The following NSD1 variants were observed in gnomAD, a reference collection of about 807,000 sequenced individuals.
NSD1 encodes the protein histone-lysine N-methyltransferase, H3 lysine-36 specific.
In NSD1, 26 loss-of-function variants were observed where a neutral mutation model predicts 242.7. The observed-to-expected ratio is 0.11, with a 90% confidence interval of 0.08 to 0.15. NSD1 has a LOEUF of 0.15. NSD1 is among the 10% of genes least tolerant of loss of function. NSD1 has a pLI of 1.00. For synonymous variants in NSD1, 1,106 were observed against 1,178.1 expected (o/e 0.94, Z 1.25); for missense variants, 2,495 against 3,272.8 (o/e 0.76, Z 5.80).
chr5:177,190,528 T>TA lies in NSD1; in HGVS notation c.928-1355dup, dbSNP rs1315747840. On this transcript the variant is annotated intron_variant, in intron 2 of 22. Transcript: ENST00000439151. ...TGATCTCAAACTCCTGGCCTCAAGT[T>TA]ATCTGCCTACCTCGGCCTCCCAGAG... Among the ~76,000 whole-genome samples the TA allele has an allele frequency of 2.0e-5, 3 of 152,142 alleles. No homozygotes were observed. The East Asian group carries it at 5.8e-4, about 29-fold the overall frequency.
intron 2 of NSD1, among the ~76,000 whole-genome samples, chr5:177,142,571 T>C (rs1562108942): frequency 6.6e-6 from 1 of 152,184 alleles, no homozygotes; most frequent in Non-Finnish European, 1.5e-5. Flanking sequence ...GCTAGCTATC[T>C]GGGAGGAGTG....
intron 5 of NSD1, 62 bp downstream of exon 5, chr5:177,212,257 C>A (rs2149850061): frequency 6.5e-7 from 1 of 1,532,926 alleles, no homozygotes; most frequent in Non-Finnish European, 8.9e-7. Flanking sequence ...AAACATTGTC[C>A]TTCTGAAATT....
intron 8 of NSD1, among the ~76,000 whole-genome samples, chr5:177,241,729 G>C (rs180803541): frequency 1.1e-4 from 16 of 152,234 alleles, no homozygotes; most frequent in Admixed American, 9.2e-4. Context: ...CCTCTTGTCT[G>C]TTTGGGAGTC....
At chr5:177,225,772 T>C (rs1764587890) in intron 5 of NSD1, among the ~76,000 whole-genome samples, 1 of 152,198 alleles carries the variant, frequency 6.6e-6, no homozygotes, top group Admixed American at 6.5e-5. Context: ...TAATTTTATT[T>C]TTACTTCAGT....
At chr5:177,224,499 T>C (rs974612773) in intron 5 of NSD1, among the ~76,000 whole-genome samples, 1 of 152,018 alleles carries the variant, frequency 6.6e-6, no homozygotes. Context: ...TATTTTAATA[T>C]TTAATATTAA....
At chr5:177,276,477 C>T (rs1187035466) in intron 17 of NSD1, among the ~76,000 whole-genome samples, 1 of 151,698 alleles carries the variant, frequency 6.6e-6, no homozygotes, top group East Asian at 1.9e-4. Context: ...GGCATTGTGC[C>T]ACCACACCTG....
intron 2 of NSD1, among the ~76,000 whole-genome samples, chr5:177,152,814 A>C (rs1230391717): frequency 2.7e-5 from 4 of 146,078 alleles, no homozygotes; most frequent in Non-Finnish European, 6.0e-5. Context: ...CCTCCCGAGT[A>C]GCTGAAATTA....
chr5:177,235,814 C>G lies in NSD1; in HGVS notation c.3797-7C>G. ...GATTAATGTTGAATTTGTTTATCAT[C>G]TTTTAGCTGTGCGGTCAGAGAAGAA... On this transcript the variant is annotated splice_polypyrimidine_tract_variant and splice_region_variant and intron_variant, in intron 5 of 22. Coordinates refer to ENST00000439151, the MANE Select transcript of NSD1 (RefSeq NM_022455.5). The G allele has an allele frequency of 2.5e-6, 4 of 1,613,882 alleles. No individual in the cohort carries two copies. Among genetic ancestry groups the G allele is most frequent in the Non-Finnish European group, 3.4e-6 (4 of 1,179,878 alleles).
chr5:177,249,957 GTGCCTGTAATTCCCC>G (rs1189158212), intron 11 of NSD1, among the ~76,000 whole-genome samples: 1 of 152,162 alleles, frequency 6.6e-6, no homozygotes, highest in Non-Finnish European at 1.5e-5. Flanking sequence ...ATGACAGTTC[GTGCCTGTAATTCCCC>G]TGCTGGGGAG....
In NSD1 at chr5:177,282,446, G is replaced by A; in HGVS notation, c.5893-19G>A. 6.6e-7 allele frequency: 1 copy of A among 1,523,386 alleles called. No homozygotes were observed. The highest frequency in any genetic ancestry group is 1.7e-5 in the Admixed American group (1 of 59,912). The allele number at this position is 1,523,386 out of a possible 1,614,324, so 94.4% of individuals were successfully genotyped here. On this transcript the variant is annotated intron_variant, in intron 18 of 22. Coordinates refer to ENST00000439151, the MANE Select transcript of NSD1 (RefSeq NM_022455.5). ...GTGTCCTTTTTTGCCATTAAGTCAG[G>A]AGGTATTTCTTGTTCTAGGGTGAAT...
chr5:177,192,129 AT>A, intron 3 of NSD1, 110 bp downstream of exon 3: 1 of 950,788 alleles, frequency 1.1e-6, no homozygotes, highest in Non-Finnish European at 1.5e-6. Flanking sequence ...TTGTGAATGA[AT>A]TGGTGTTACA....
chr5:177,212,487 C>CTTT (rs34930823), intron 5 of NSD1, among the ~76,000 whole-genome samples: 54 of 126,944 alleles, frequency 4.3e-4, no homozygotes, highest in African/African-American at 1.7e-3. Flanking sequence ...CTCTCTCTCT[C>CTTT]TTTTTTTTTT....
At position 177,135,669 on chromosome 5, in the gene NSD1, C is replaced by T; in HGVS notation, c.566C>T (p.Thr189Ile). The change falls in exon 2 of 23, where the codon ACC (threonine) becomes ATC (isoleucine). Residue 189 changes from threonine to isoleucine, a missense_variant. This residue lies in a region of NSD1 where 376 missense variants were observed against 367.4 expected (regional missense o/e 1.02). Coordinates refer to ENST00000439151, the MANE Select transcript of NSD1 (RefSeq NM_022455.5). ...SIEEIFEETQ[T>I]NATCNYETKS... is the part of the protein sequence containing the mutation. ...GAGGAGATCTTTGAGGAAACTCAGA[C>T]CAATGCCACCTGCAATTATGAGACT... 9 of 1,614,184 alleles carry T rather than the reference C, an allele frequency of 5.6e-6. No homozygotes were observed. Among genetic ancestry groups the T allele is most frequent in the Non-Finnish European group, 7.6e-6 (9 of 1,180,044 alleles).
chr5:177,209,608 A>G (rs1763174322), intron 4 of NSD1, 28 bp from the exon 5 acceptor site: 3 of 1,570,222 alleles, frequency 1.9e-6, no homozygotes, highest in African/African-American at 2.7e-5. Context: ...TTGATAAGTG[A>G]TAATTCTTTT....
At chr5:177,240,151 A>G (rs1469762684) in intron 8 of NSD1, among the ~76,000 whole-genome samples, 2 of 152,092 alleles carry the variant, frequency 1.3e-5, no homozygotes, top group Non-Finnish European at 2.9e-5. Flanking sequence ...TCTGGGTTCA[A>G]ATCCTCTTAC....
intron 17 of NSD1, among the ~76,000 whole-genome samples, chr5:177,279,796 T>C (rs1758706639): frequency 6.6e-6 from 1 of 150,420 alleles, no homozygotes; most frequent in Non-Finnish European, 1.5e-5. Context: ...TTTTTGTATT[T>C]TGAGTAGAGA....
At chr5:177,233,869 T>A (rs1251200476) in intron 5 of NSD1, among the ~76,000 whole-genome samples, 2 of 152,320 alleles carry the variant, frequency 1.3e-5, no homozygotes, top group Admixed American at 1.3e-4. Context: ...CACTGCCATA[T>A]GACCAGGGAA....
At chr5:177,227,081 T>C (rs1456666846) in intron 5 of NSD1, among the ~76,000 whole-genome samples, 3 of 152,192 alleles carry the variant, frequency 2.0e-5, no homozygotes, top group African/African-American at 2.4e-5. Context: ...GAAACACATA[T>C]GGATGAAATA....
At chr5:177,189,930 T>C (rs1761532316) in intron 2 of NSD1, among the ~76,000 whole-genome samples, 1 of 152,186 alleles carries the variant, frequency 6.6e-6, no homozygotes, top group Non-Finnish European at 1.5e-5. Flanking sequence ...GTATTCTTTT[T>C]GAGAATTTAC....
Sources: allele counts gnomAD v4.1 joint callset (sites outside exome capture counted in the v4.1 genomes callset), GRCh38; gene constraint gnomAD v4.1.1; regional missense constraint gnomAD v4.1.1; transcripts MANE v1.5; gene names NCBI Gene and HGNC (gene_info 2026-07-23, HGNC 2026-07-21).